Variants in ACYP2 observed in about 807,000 individuals in gnomAD.
The protein encoded by ACYP2 is acylphosphatase-2.
ACYP2 carries 12 observed loss-of-function variants against 11.2 expected under a neutral mutation model. The ratio of observed to expected loss-of-function variants is 1.08; its 90% confidence interval spans 0.69 to 1.74. The LOEUF (loss-of-function observed/expected upper bound fraction) is 1.74, where lower values mean the gene tolerates loss of function less well. Ranked by LOEUF, ACYP2 falls within the 40% of genes most tolerant of loss-of-function variation. ACYP2 has a pLI of 0.00. For missense variants in ACYP2, 134 were observed against 101.9 expected, an observed-to-expected ratio of 1.31 and a Z score of -1.35; for synonymous variants, 43 against 32.2, an observed-to-expected ratio of 1.33 and a Z score of -1.13.
chr2:54,293,755 G>A (rs1415255882), intron 6 of ACYP2, among the ~76,000 whole-genome samples: 6 of 152,114 alleles, frequency 3.9e-5, no homozygotes, highest in Admixed American at 3.9e-4. Flanking sequence ...AGGAATCTTA[G>A]GTCTTAGGTT....
At chr2:54,282,410 T>C (rs542546789) in intron 6 of ACYP2, among the ~76,000 whole-genome samples, 1 of 152,308 alleles carries the variant, frequency 6.6e-6, no homozygotes, top group South Asian at 2.1e-4. Context: ...ACATTTTGCT[T>C]TACTCTGCCC....
chr2:54,025,563 T>A (rs552072848), intron 2 of ACYP2, among the ~76,000 whole-genome samples: 1 of 152,222 alleles, frequency 6.6e-6, no homozygotes, highest in Non-Finnish European at 1.5e-5. Flanking sequence ...TCTTACCTTA[T>A]AAAAAAATCA....
intron 6 of ACYP2, among the ~76,000 whole-genome samples, chr2:54,145,522 A>G (rs1351138211): frequency 6.6e-6 from 1 of 152,010 alleles, no homozygotes; most frequent in African/African-American, 2.4e-5. Context: ...ATACATGAAT[A>G]GAGAAAAAAG....
rs142461035 is a variant in ACYP2 at position 54,275,902 on chromosome 2, G to C, written c.405-28786G>C. Among the ~76,000 whole-genome samples, 140 of 152,202 alleles carry C rather than the reference G, an allele frequency of 9.2e-4. 1 individual carries two copies. Among genetic ancestry groups the C allele is most frequent in the African/African-American group, 3.3e-3 (138 of 41,542 alleles). ...ATATTTAGTCAAAGTGCAACATTAA[G>C]CGTATCCCTAATTATATGTATGATA... On this transcript the variant is annotated intron_variant, in intron 6 of 6. Transcript: ENST00000607452.
intron 6 of ACYP2, among the ~76,000 whole-genome samples, chr2:54,212,505 T>C (rs1685369847): frequency 6.6e-6 from 1 of 152,212 alleles, no homozygotes; most frequent in African/African-American, 2.4e-5. Context: ...ATCTTAGTAG[T>C]GGTCTGTCTT....
chr2:54,038,465 C>T (rs561418681), intron 2 of ACYP2, among the ~76,000 whole-genome samples: 14 of 151,762 alleles, frequency 9.2e-5, no homozygotes, highest in South Asian at 8.3e-4. Context: ...TTACTAAGTG[C>T]GTGGTGCTAT....
intron 6 of ACYP2, among the ~76,000 whole-genome samples, chr2:54,209,567 A>G (rs1685237514): frequency 6.6e-6 from 1 of 152,194 alleles, no homozygotes; most frequent in Non-Finnish European, 1.5e-5. Flanking sequence ...AATGACCTGG[A>G]ATGGTTCATT....
At chr2:54,126,579 C>T (rs1280420877) in intron 4 of ACYP2, among the ~76,000 whole-genome samples, 2 of 132,168 alleles carry the variant, frequency 1.5e-5, no homozygotes, top group Admixed American at 8.6e-5. Context: ...TGGTGACACA[C>T]TCATAGAGTC....
intron 6 of ACYP2, among the ~76,000 whole-genome samples, chr2:54,184,123 T>A (rs1002313461): frequency 2.6e-5 from 4 of 152,164 alleles, no homozygotes; most frequent in African/African-American, 4.8e-5. Context: ...ACCTAAGCAT[T>A]CCTACTTAGA....
intron 6 of ACYP2, among the ~76,000 whole-genome samples, chr2:54,299,396 G>A (rs560651700): frequency 2.5e-4 from 38 of 151,412 alleles, no homozygotes; most frequent in Non-Finnish European, 4.4e-4. Context: ...GTTTGAGAGC[G>A]GCCTGACCAA....
At chr2:54,133,021 G>C (rs1227329948) in intron 4 of ACYP2, among the ~76,000 whole-genome samples, 1 of 152,156 alleles carries the variant, frequency 6.6e-6, no homozygotes, top group Non-Finnish European at 1.5e-5. Context: ...TGGGATTACA[G>C]GTGTGAGCCA....
intron 3 of ACYP2, among the ~76,000 whole-genome samples, chr2:54,054,218 G>C (rs1676007385): frequency 6.6e-6 from 1 of 152,162 alleles, no homozygotes; most frequent in South Asian, 2.1e-4. Context: ...CTTATTCTGG[G>C]AACATTATTA....
chr2:54,191,604 A>C (rs761919502), intron 6 of ACYP2, among the ~76,000 whole-genome samples: 14 of 151,866 alleles, frequency 9.2e-5, no homozygotes, highest in Admixed American at 6.5e-4. Context: ...TACAGTCCTT[A>C]AGAGAATTTA....
chr2:54,030,300 C>A (rs146494653), intron 2 of ACYP2, among the ~76,000 whole-genome samples: 5 of 152,122 alleles, frequency 3.3e-5, no homozygotes, highest in Non-Finnish European at 7.3e-5. Flanking sequence ...TACCTTGACT[C>A]GTCTCAGATT....
At chr2:54,304,255 T>C (rs1266129236) in intron 6 of ACYP2, among the ~76,000 whole-genome samples, 1 of 151,904 alleles carries the variant, frequency 6.6e-6, no homozygotes, top group Non-Finnish European at 1.5e-5. Context: ...TGTGTAGAGA[T>C]ATATGTATCT....
chr2:54,106,289 G>C (rs1679154706), intron 4 of ACYP2, among the ~76,000 whole-genome samples: 3 of 151,970 alleles, frequency 2.0e-5, no homozygotes, highest in Non-Finnish European at 4.4e-5. Flanking sequence ...GGTTGCCCAG[G>C]CTGGCCTCAA....
chr2:54,205,103 G>T lies in ACYP2; in HGVS notation c.404+66355G>T, dbSNP rs145678649. Among the ~76,000 whole-genome samples the T allele has an allele frequency of 4.0e-3, 615 of 152,158 alleles. 5 individuals are homozygous for T. Among genetic ancestry groups the T allele is most frequent in the African/African-American group, 0.014 (587 of 41,514 alleles). ...AAAAGTTGCCTATCTCTCCATTCTG[G>T]TTTCCCTCCTTTGAATTGCTAAGTC... On this transcript the variant is annotated intron_variant, in intron 6 of 6. Coordinates refer to ENST00000607452, the MANE Select transcript of ACYP2 (RefSeq NM_001320586.2).
At chr2:54,129,901 ATG>A (rs532083928) in intron 4 of ACYP2, among the ~76,000 whole-genome samples, 111 of 148,442 alleles carry the variant, frequency 7.5e-4, no homozygotes, top group African/African-American at 2.5e-3. Context: ...TATATTATAA[ATG>A]TATAATACAT....
chr2:54,153,134 G>A (rs1010369058), intron 6 of ACYP2, among the ~76,000 whole-genome samples: 2 of 151,584 alleles, frequency 1.3e-5, no homozygotes, highest in African/African-American at 2.4e-5. Context: ...AATCCATTTC[G>A]AGTTGTGTTT....
Sources: gnomAD v4.1 joint callset for allele counts (sites outside exome capture counted in the v4.1 genomes callset) on GRCh38, gnomAD v4.1.1 for gene constraint, MANE v1.5 for transcripts, NCBI Gene and HGNC (gene_info 2026-07-23, HGNC 2026-07-21) for gene names.